The following COL11A1 variants were observed in gnomAD, a reference collection of about 807,000 sequenced individuals.
COL11A1 encodes the protein collagen type XI alpha 1 chain.
In COL11A1, 74 loss-of-function variants were observed where a neutral mutation model predicts 265.2. That is an observed-to-expected ratio of 0.28 (90% confidence interval 0.23 to 0.34). COL11A1 has a LOEUF of 0.34. COL11A1 is among the 10% of genes least tolerant of loss of function. The probability of loss-of-function intolerance (pLI) is 1.00; values close to 1 mark genes in which losing one functional copy is unlikely to be tolerated. For synonymous variants in COL11A1, 816 were observed against 727.6 expected, an observed-to-expected ratio of 1.12 and a Z score of -1.96; for missense variants, 2,165 against 2,263.6, an observed-to-expected ratio of 0.96 and a Z score of 0.88.
chr1:102,911,769 C>G (rs1047106518), intron 54 of COL11A1, among the ~76,000 whole-genome samples: 1 of 152,170 alleles, frequency 6.6e-6, no homozygotes, highest in Admixed American at 6.6e-5. Flanking sequence ...CACCTCATTT[C>G]ATTGATGCAT....
At chr1:102,902,988 T>A (rs12060148) in intron 54 of COL11A1, among the ~76,000 whole-genome samples, 2 of 152,040 alleles carry the variant, frequency 1.3e-5, no homozygotes. Flanking sequence ...TTTTTTATTG[T>A]GAACTTCCCT....
At chr1:102,917,242 T>A (rs575418770) in intron 49 of COL11A1, among the ~76,000 whole-genome samples, 7 of 151,770 alleles carry the variant, frequency 4.6e-5, no homozygotes, top group Non-Finnish European at 8.9e-5. Context: ...AAGGAAAAGA[T>A]CCTCTTTTCA....
intron 66 of COL11A1, among the ~76,000 whole-genome samples, chr1:102,878,841 T>C (rs1676491): frequency 0.11 from 16,188 of 152,052 alleles, 1,012 homozygotes; most frequent in Middle Eastern, 0.19. Flanking sequence ...TTTACCATTA[T>C]AGTTAAGATA....
intron 4 of COL11A1, among the ~76,000 whole-genome samples, chr1:103,047,795 G>T (rs1206515059): frequency 3.3e-5 from 5 of 152,132 alleles, no homozygotes; most frequent in Non-Finnish European, 7.4e-5. Flanking sequence ...CTAATTTATT[G>T]AGAGTTTTTA....
intron 3 of COL11A1, among the ~76,000 whole-genome samples, chr1:103,077,969 T>TAAAG (rs1672107016): frequency 6.6e-6 from 1 of 152,118 alleles, no homozygotes; most frequent in Non-Finnish European, 1.5e-5. Context: ...TAACAATGTA[T>TAAAG]AAAGACCTTA....
intron 4 of COL11A1, among the ~76,000 whole-genome samples, chr1:103,051,308 C>T (rs1268833777): frequency 6.6e-6 from 1 of 152,124 alleles, no homozygotes; most frequent in African/African-American, 2.4e-5. Context: ...ATGGCGGGTG[C>T]CCCTCCCCCA....
At chr1:102,938,556 G>A (rs1479171722) in intron 44 of COL11A1, among the ~76,000 whole-genome samples, 1 of 152,000 alleles carries the variant, frequency 6.6e-6, no homozygotes, top group Non-Finnish European at 1.5e-5. Context: ...TACTGGTAGT[G>A]ACCAAAGAAA....
chr1:102,987,399 G>T (rs1663681580), intron 30 of COL11A1, among the ~76,000 whole-genome samples: 1 of 149,112 alleles, frequency 6.7e-6, no homozygotes, highest in African/African-American at 2.5e-5. Context: ...TAACTTCACA[G>T]TACATTATAG....
At position 102,879,586 on chromosome 1, in the gene COL11A1, G is replaced by A. The variant is rs11164627; in HGVS notation, c.5274+97C>T. On this transcript the variant is annotated intron_variant, in intron 66 of 66. Transcript: ENST00000370096. ...GCAACAAATGTTAATAACAACTGAC[G>A]TCCATTTCATGAGAAAAATCTGGCT... is the stretch of plus-strand genomic sequence containing the variant. The A allele has an allele frequency of 9.8e-3, 9,975 of 1,019,948 alleles. 652 individuals carry two copies. In the African/African-American group the frequency reaches 0.14, roughly 14 times the overall value. 63.2% of individuals were successfully genotyped at this position (1,019,948 alleles called of 1,614,324 possible).
intron 36 of COL11A1, among the ~76,000 whole-genome samples, chr1:102,971,562 A>G (rs1416283399): frequency 6.6e-6 from 1 of 152,186 alleles, no homozygotes; most frequent in African/African-American, 2.4e-5. Context: ...GTTTTTGAAC[A>G]TCTATTTTTA....
intron 4 of COL11A1, among the ~76,000 whole-genome samples, chr1:103,052,681 A>G (rs1176977479): frequency 1.3e-5 from 2 of 152,212 alleles, no homozygotes; most frequent in African/African-American, 2.4e-5. Context: ...AACATATGCT[A>G]TCTTACAGCT....
intron 54 of COL11A1, among the ~76,000 whole-genome samples, chr1:102,908,664 C>A (rs1433638503): frequency 6.6e-6 from 1 of 151,832 alleles, no homozygotes; most frequent in Non-Finnish European, 1.5e-5. Context: ...CAATTTGTTA[C>A]AAATAAGGTT....
chr1:103,003,210 C>G lies in COL11A1; in HGVS notation c.1998+5G>C. ...AAAATCTTCAATGTTTCCAGCAATA[C>G]ATACAGGCTGCCCTGGAGCTCCTGG... is the stretch of plus-strand genomic sequence containing the variant. On this transcript the variant is annotated splice_donor_5th_base_variant and intron_variant, in intron 21 of 66. Coordinates refer to ENST00000370096, the MANE Select transcript of COL11A1 (RefSeq NM_001854.4). 1 of 1,613,490 alleles carries G rather than the reference C, an allele frequency of 6.2e-7. No homozygotes were observed. The highest frequency in any genetic ancestry group is 8.5e-7 in the Non-Finnish European group (1 of 1,179,750).
rs569411812 is a variant in COL11A1, at chr1:102,955,332, TAATA to T, written c.3168+6530_3168+6533del. 2.7e-3 allele frequency among the ~76,000 whole-genome samples: 416 copies of T among 151,878 alleles called. 3 individuals carry two copies. The highest frequency in any genetic ancestry group is 4.7e-3 in the Non-Finnish European group (317 of 67,918). On this transcript the variant is annotated intron_variant, in intron 41 of 66. Transcript: ENST00000370096. The stretch of plus-strand genomic sequence containing the variant: ...AGAGAAGCAAGAGAAGAAGAAGAAA[TAATA>T]AATAAAGAGGAAAATAAAGTCAGAA...
chr1:103,059,748 C>CATTAGTAA (rs1248360408), intron 4 of COL11A1, among the ~76,000 whole-genome samples: 1 of 151,954 alleles, frequency 6.6e-6, no homozygotes, highest in East Asian at 1.9e-4. Flanking sequence ...TTGATGGGCT[C>CATTAGTAA]ATTAGTAAAT....
Position 103,018,798 on chromosome 1 carries a change from A to C in COL11A1, c.1350+20T>G. On this transcript the variant is annotated intron_variant, in intron 10 of 66. Transcript: ENST00000370096. ...TGATTACTTTAAATAGACAAAAATA[A>C]TCTTAAAACATTTACATACTGCAGG... The C allele has an allele frequency of 1.2e-6, 2 of 1,600,606 alleles. No individual in the cohort carries two copies. Among genetic ancestry groups the C allele is most frequent in the Non-Finnish European group, 1.7e-6 (2 of 1,168,584 alleles).
intron 54 of COL11A1, among the ~76,000 whole-genome samples, chr1:102,899,522 A>G (rs1315492970): frequency 6.6e-6 from 1 of 152,148 alleles, no homozygotes; most frequent in Non-Finnish European, 1.5e-5. Context: ...AGAACTATGC[A>G]GTTCACATAA....
chr1:103,054,022 G>T (rs536734258), intron 4 of COL11A1, among the ~76,000 whole-genome samples: 40 of 152,184 alleles, frequency 2.6e-4, no homozygotes, highest in Middle Eastern at 3.4e-3. Flanking sequence ...TGGGTGTGTG[G>T]TATCCCCTGA....
At chr1:102,902,966 T>C (rs753157913) in intron 54 of COL11A1, among the ~76,000 whole-genome samples, 2 of 151,816 alleles carry the variant, frequency 1.3e-5, no homozygotes, top group Non-Finnish European at 2.9e-5. Flanking sequence ...ATAACAACAG[T>C]TACCATTTTA....
Sources: gnomAD v4.1 joint callset for allele counts (sites outside exome capture counted in the v4.1 genomes callset) on GRCh38, gnomAD v4.1.1 for gene constraint, MANE v1.5 for transcripts, NCBI Gene and HGNC (gene_info 2026-07-23, HGNC 2026-07-21) for gene names.